The following RGR variants were observed in gnomAD, a reference collection of about 807,000 sequenced individuals.
The protein encoded by RGR is RPE-retinal G protein-coupled receptor.
In RGR, 30 loss-of-function variants were observed where a neutral mutation model predicts 28.6. The ratio of observed to expected loss-of-function variants is 1.05; its 90% CI spans 0.78 to 1.42. The LOEUF (loss-of-function observed/expected upper bound fraction) is 1.42. Among genes scored for constraint, RGR ranks in the 40% most tolerant of loss-of-function variants. The pLI, the probability that RGR is intolerant of heterozygous loss-of-function variation, is 0.00. For synonymous variants in RGR, 180 were observed against 156.4 expected, an observed-to-expected ratio of 1.15 and a Z score of -1.13; for missense variants, 404 against 375.6, an observed-to-expected ratio of 1.08 and a Z score of -0.62.
chr10:84,247,858 A>G, intron 2 of RGR, 111 bp downstream of exon 2: 1 of 1,507,718 alleles, frequency 6.6e-7, no homozygotes, highest in Non-Finnish European at 9.1e-7. Context: ...AAAATTGGCC[A>G]AGGGCAGAGG....
intron 1 of RGR, 22 bp downstream of exon 1, chr10:84,245,191 G>A: frequency 5.6e-6 from 9 of 1,609,544 alleles, no homozygotes; most frequent in Non-Finnish European, 7.6e-6. Flanking sequence ...AGAACCTGGG[G>A]TGCAGCGGGG....
intron 1 of RGR, among the ~76,000 whole-genome samples, chr10:84,247,240 A>C (rs556064920): frequency 1.3e-3 from 198 of 152,228 alleles, no homozygotes; most frequent in African/African-American, 4.4e-3. Context: ...TTTGAAATCC[A>C]AAAGGCCTGA....
At chr10:84,256,716 C>T (rs1842892374) in intron 5 of RGR, among the ~76,000 whole-genome samples, 3 of 152,158 alleles carry the variant, frequency 2.0e-5, no homozygotes, top group Admixed American at 2.0e-4. Flanking sequence ...GATGCCGGTC[C>T]CAAGCCCTGT....
intron 4 of RGR, among the ~76,000 whole-genome samples, chr10:84,253,440 T>C (rs1589333908): frequency 2.0e-5 from 3 of 152,144 alleles, no homozygotes; most frequent in Non-Finnish European, 2.9e-5. Context: ...GGGAATGCCC[T>C]GAGCATACGC....
At chr10:84,255,256 C>G (rs1842868607) in intron 5 of RGR, 1 of 153,922 alleles carries the variant, frequency 6.5e-6, no homozygotes, top group African/African-American at 2.4e-5. Context: ...AAACCACCCT[C>G]CCTTTGCTCA....
At chr10:84,254,861 G>T (rs1842863891) in intron 5 of RGR, among the ~76,000 whole-genome samples, 1 of 152,152 alleles carries the variant, frequency 6.6e-6, no homozygotes. Context: ...ATCATACGGG[G>T]TCATTTTAAG....
intron 1 of RGR, 81 bp from the exon 2 acceptor site, chr10:84,247,510 G>A: frequency 4.6e-6 from 7 of 1,525,980 alleles, no homozygotes; most frequent in Non-Finnish European, 6.3e-6. Context: ...GGTTGCTGAT[G>A]TTCCATCCAC....
At position 84,252,865 on chromosome 10, in the gene RGR, C is replaced by A. The variant is rs774439120; in HGVS notation, c.367C>A (p.Leu123Met). The A allele has an allele frequency of 5.0e-6, 8 of 1,614,028 alleles. No individual in the cohort carries two copies. Among genetic ancestry groups the A allele is most frequent in the Non-Finnish European group, 6.8e-6 (8 of 1,180,052 alleles). ...RYHHYCTRSQLAWNSAVSLVL... is the reference protein window; with the variant it reads ...RYHHYCTRSQMAWNSAVSLVL... ...TCCTCTGTCCTGTGCAGGTAGCCAG[C>A]TGGCCTGGAACTCAGCCGTCTCTCT... is the stretch of plus-strand genomic sequence containing the variant. The change falls in exon 4 of 7, where the codon CTG becomes ATG. Residue 123 changes from leucine to methionine, a missense_variant. Physicochemically the swap from Leu to Met is conservative, Grantham distance 15 (BLOSUM62 2). Transcript: ENST00000652092.
At chr10:84,252,649 C>A (rs1842832959) in intron 3 of RGR, among the ~76,000 whole-genome samples, 1 of 152,158 alleles carries the variant, frequency 6.6e-6, no homozygotes, top group African/African-American at 2.4e-5. Context: ...CCTCTCTCAG[C>A]CTCAATTTTT....
rs575173402 is a variant in RGR at position 84,258,989 on chromosome 10, G to T, written c.*350G>T. The T allele has an allele frequency of 5.9e-6, 2 of 340,226 alleles. No homozygotes were observed. The highest frequency in any genetic ancestry group is 4.3e-5 in the African/African-American group (2 of 46,916). The allele number at this position is 340,226 out of a possible 1,614,324, so 21.1% of individuals were successfully genotyped here. The stretch of plus-strand genomic sequence containing the variant: ...TGTAACCATCACCCTAATAATATAC[G>T]TTGTACCCATTAAGTTATTTCTCAT... On this transcript the variant is annotated 3_prime_UTR_variant, in exon 7 of 7. Transcript: ENST00000652092.
intron 1 of RGR, among the ~76,000 whole-genome samples, chr10:84,245,681 T>G (rs146252251): frequency 2.0e-5 from 3 of 152,276 alleles, no homozygotes; most frequent in African/African-American, 7.2e-5. Flanking sequence ...GGGTATAAAG[T>G]GCTAGCCTAA....
At position 84,258,992 on chromosome 10, in the gene RGR, G is replaced by C. The variant is rs545818900; in HGVS notation, c.*353G>C. On this transcript the variant is annotated 3_prime_UTR_variant, in exon 7 of 7. Transcript: ENST00000652092. ...AACCATCACCCTAATAATATACGTT[G>C]TACCCATTAAGTTATTTCTCATCCC... 8.0e-5 allele frequency: 27 copies of C among 337,956 alleles called. No individual in the cohort carries two copies. Among genetic ancestry groups the C allele is most frequent in the South Asian group, 6.7e-4 (26 of 38,964 alleles). 20.9% of individuals were successfully genotyped at this position (337,956 alleles called of 1,614,324 possible).
chr10:84,248,002 C>G, intron 2 of RGR: 1 of 637,198 alleles, frequency 1.6e-6, no homozygotes, highest in Non-Finnish European at 2.6e-6. Context: ...GTTCTGTAAC[C>G]AAGCAACCTA....
rs369457258 is a variant in RGR, at chr10:84,248,944, G to C, written c.259G>C (p.Gly87Arg). The change falls in exon 3 of 7, where the codon GGC (glycine) becomes CGC (arginine). Residue 87 changes from glycine to arginine, a missense_variant. Coordinates refer to ENST00000652092, the MANE Select transcript of RGR (RefSeq NM_001012720.2). Reference protein sequence around the residue: ...LLRRWPYGSDGCQAHGFQGFV... With the variant: ...LLRRWPYGSDRCQAHGFQGFV... Reference sequence around the variant, plus strand: ...CAGGCGCTGGCCCTACGGCTCGGACGGCTGCCAGGCTCACGGCTTCCAGGG... The same window carrying C: ...CAGGCGCTGGCCCTACGGCTCGGACCGCTGCCAGGCTCACGGCTTCCAGGG... 6.2e-7 allele frequency: 1 copy of C among 1,614,122 alleles called. No individual in the cohort carries two copies. The highest frequency in any genetic ancestry group is 8.5e-7 in the Non-Finnish European group (1 of 1,180,030).
intron 1 of RGR, 28 bp downstream of exon 1, chr10:84,245,197 C>T (rs773285351): frequency 1.2e-6 from 2 of 1,607,328 alleles, no homozygotes; most frequent in Non-Finnish European, 1.7e-6. Context: ...TGGGGTGCAG[C>T]GGGGGCCCAG....
At chr10:84,253,082 G>C in intron 4 of RGR, 72 bp downstream of exon 4, 1 of 1,531,222 alleles carries the variant, frequency 6.5e-7, no homozygotes, top group South Asian at 1.2e-5. Flanking sequence ...TGACAAGGGT[G>C]CCCCAGCTGA....
Position 84,258,566 on chromosome 10 carries a change from G to A in RGR, c.803G>A (p.Gly268Asp), listed in dbSNP as rs763221617. 8 of 1,614,096 alleles carry A rather than the reference G, an allele frequency of 5.0e-6. No individual in the cohort carries two copies. The Admixed American group carries it at 6.7e-5, about 13-fold the overall frequency. ...PTINAINYAL[G>D]NEMVCRGIWQ... ...ATCAATGCCATCAACTATGCCCTGG[G>A]CAATGAGATGGTCTGCAGGGGAATC... Residue 268 changes from glycine to aspartate, a missense_variant, in exon 7 of 7, where the codon GGC (glycine) becomes GAC (aspartate). Transcript: ENST00000652092.
chr10:84,254,724 CT>C (rs1842862393), intron 5 of RGR, among the ~76,000 whole-genome samples: 1 of 152,118 alleles, frequency 6.6e-6, no homozygotes, highest in Non-Finnish European at 1.5e-5. Context: ...CAGCATCTGC[CT>C]TTTGATTGAT....
At chr10:84,245,846 C>G (rs559056985) in intron 1 of RGR, among the ~76,000 whole-genome samples, 2 of 152,220 alleles carry the variant, frequency 1.3e-5, no homozygotes, top group African/African-American at 4.8e-5. Flanking sequence ...CTAAGATGCT[C>G]GCTGAGGCCA....
Sources: gnomAD v4.1 joint callset for allele counts (sites outside exome capture counted in the v4.1 genomes callset) on GRCh38, gnomAD v4.1.1 for gene constraint, MANE v1.5 for transcripts, NCBI Gene and HGNC (gene_info 2026-07-23, HGNC 2026-07-21) for gene names.